ARHGEF7: variants seen among roughly 807,000 people sequenced by gnomAD.
ARHGEF7 encodes Rho guanine nucleotide exchange factor 7.
A neutral mutation model predicts 109.8 loss-of-function variants in ARHGEF7; 33 were observed. The observed-to-expected ratio is 0.30, with a 90% CI of 0.23 to 0.40. The LOEUF (loss-of-function observed/expected upper bound fraction) is 0.40, where lower values mean the gene tolerates loss of function less well. Among genes scored for constraint, ARHGEF7 ranks in the 10% least tolerant of loss-of-function variants. The pLI is 1.00. For synonymous variants in ARHGEF7, 458 were observed against 424.6 expected (o/e 1.08, Z -0.97); for missense variants, 938 against 1,098.5 (o/e 0.85, Z 2.07).
intron 2 of ARHGEF7, among the ~76,000 whole-genome samples, chr13:111,198,029 C>G (rs913821246): frequency 2.0e-5 from 3 of 152,132 alleles, no homozygotes; most frequent in Admixed American, 6.5e-5. Flanking sequence ...TGTTGGGACC[C>G]CGGAGTTGAA....
intron 1 of ARHGEF7, among the ~76,000 whole-genome samples, chr13:111,133,708 C>T (rs1165515699): frequency 1.4e-5 from 2 of 145,142 alleles, no homozygotes; most frequent in African/African-American, 5.1e-5. Flanking sequence ...CTGGACACCA[C>T]CCCCAGAGTT....
intron 21 of ARHGEF7, 124 bp from the exon 22 acceptor site, chr13:111,302,867 A>T: frequency 7.9e-7 from 1 of 1,271,280 alleles, no homozygotes. Flanking sequence ...CTCAGAGCCC[A>T]TAGGCAGCTC....
intron 19 of ARHGEF7, chr13:111,292,971 G>A (rs543517590): frequency 1.3e-4 from 131 of 985,530 alleles, no homozygotes; most frequent in Non-Finnish European, 1.5e-4. Flanking sequence ...TGTGTGCTGC[G>A]TTGTGGCCGT....
chr13:111,135,379 A>C (rs919205040), intron 1 of ARHGEF7, among the ~76,000 whole-genome samples: 17 of 152,166 alleles, frequency 1.1e-4, no homozygotes, highest in Admixed American at 6.5e-4. Flanking sequence ...GAATCTATAA[A>C]TTACCTTGGG....
At chr13:111,282,783 T>C in intron 15 of ARHGEF7, 1 of 324,846 alleles carries the variant, frequency 3.1e-6, no homozygotes, top group Non-Finnish European at 5.6e-6. Flanking sequence ...CTGTGTGCTT[T>C]TGTGAAATTC....
chr13:111,183,736 C>T (rs2078980175), intron 2 of ARHGEF7, among the ~76,000 whole-genome samples: 1 of 152,198 alleles, frequency 6.6e-6, no homozygotes, highest in Admixed American at 6.5e-5. Flanking sequence ...TCACCTTCCC[C>T]ACAGCCCCTC....
chr13:111,248,862 A>G (rs371555183), intron 8 of ARHGEF7, among the ~76,000 whole-genome samples: 1 of 152,128 alleles, frequency 6.6e-6, no homozygotes, highest in African/African-American at 2.4e-5. Context: ...TTTTATTTCT[A>G]GTGACTTTGA....
chr13:111,119,992 T>C (rs1179920519), intron 1 of ARHGEF7, among the ~76,000 whole-genome samples: 1 of 152,206 alleles, frequency 6.6e-6, no homozygotes, highest in Admixed American at 6.5e-5. Context: ...ATATGGTATC[T>C]CCAGACTGTG....
chr13:111,233,244 C>G lies in ARHGEF7; in HGVS notation c.710C>G (p.Pro237Arg). The change falls in exon 6 of 22, where the codon CCT (proline) becomes CGT (arginine). Residue 237 changes from proline to arginine, a missense_variant. Pro to Arg is a moderately radical substitution (Grantham distance 103, BLOSUM62 -2). This residue lies in a region of ARHGEF7 where 585 missense variants were observed against 723.6 expected (regional missense o/e 0.81). Transcript: ENST00000646102. Reference protein sequence around the residue: ...VSPKSGTLKSPPKGFDTTAIN... With the variant: ...VSPKSGTLKSRPKGFDTTAIN... ...CCCAAATCAGGAACACTGAAGAGCCCTCCCAAAGGATTTGATACGACTGCC... is the reference window on the plus strand; with the variant it reads ...CCCAAATCAGGAACACTGAAGAGCCGTCCCAAAGGATTTGATACGACTGCC... The G allele has an allele frequency of 6.2e-7, 1 of 1,614,126 alleles. No homozygotes were observed. The highest frequency in any genetic ancestry group is 8.5e-7 in the Non-Finnish European group (1 of 1,179,986).
rs1419565490 is a variant in ARHGEF7 at position 111,273,290 on chromosome 13, C to T, written c.1074-524C>T. Among the ~76,000 whole-genome samples the T allele has an allele frequency of 6.6e-6, 1 of 152,238 alleles. No homozygotes were observed. Among genetic ancestry groups the T allele is most frequent in the Admixed American group, 6.5e-5 (1 of 15,290 alleles). On this transcript the variant is annotated intron_variant, in intron 9 of 21. Transcript: ENST00000646102. This position sits in a 1 kb window ranked among gnomAD's most constrained non-coding sequence, Gnocchi z 4.5. ...TTTGCTCTCTTCTCTTGCTGCTTCT[C>T]GTGCTCCTCACCCCAAGAGCCATTG...
intron 2 of ARHGEF7, among the ~76,000 whole-genome samples, chr13:111,164,119 G>T (rs2076948157): frequency 6.6e-6 from 1 of 152,178 alleles, no homozygotes; most frequent in Admixed American, 6.5e-5. Context: ...ACCCAGGTTT[G>T]TTGAGAACAA....
chr13:111,244,143 G>C, intron 7 of ARHGEF7, 56 bp from the exon 8 acceptor site: 2 of 1,392,900 alleles, frequency 1.4e-6, no homozygotes, highest in South Asian at 2.5e-5. Context: ...TGGCAAAGGA[G>C]AAGAATATAA....
intron 2 of ARHGEF7, among the ~76,000 whole-genome samples, chr13:111,175,922 A>C (rs2078113989): frequency 6.6e-6 from 1 of 152,216 alleles, no homozygotes; most frequent in African/African-American, 2.4e-5. Context: ...GGCGGCAGGA[A>C]GGAGAAATGC....
chr13:111,217,864 C>T lies in ARHGEF7; in HGVS notation c.654C>T (p.Arg218=), dbSNP rs369467671. 31 of 1,612,592 alleles carry T rather than the reference C, an allele frequency of 1.9e-5. No individual in the cohort carries two copies. The highest frequency in any genetic ancestry group is 1.6e-4 in the East Asian group (7 of 44,826). ...RTGWFPSNYV[R]EVKASEKPVS... ...GCTGGTTCCCCAGCAACTACGTGCG[C>T]GAGGTCAAGGCCAGCGGTAAGTGGC... Residue 218 remains arginine (R), a synonymous_variant, in exon 5 of 22, where the codon CGC becomes CGT. Coordinates refer to ENST00000646102, the MANE Select transcript of ARHGEF7 (RefSeq NM_001354046.2).
chr13:111,262,479 C>T (rs2091211030), intron 8 of ARHGEF7, among the ~76,000 whole-genome samples: 1 of 152,158 alleles, frequency 6.6e-6, no homozygotes, highest in African/African-American at 2.4e-5. Flanking sequence ...AGTCTCATCT[C>T]TGAAGGCCAT....
At chr13:111,117,567 A>G in intron 1 of ARHGEF7, among the ~76,000 whole-genome samples, 1 of 152,200 alleles carries the variant, frequency 6.6e-6, no homozygotes, top group Non-Finnish European at 1.5e-5. Context: ...AGGTTTTTGG[A>G]GTAAAATATT....
chr13:111,275,736 C>A, intron 12 of ARHGEF7, 58 bp downstream of exon 12: 1 of 1,605,444 alleles, frequency 6.2e-7, no homozygotes, highest in Non-Finnish European at 8.5e-7. Flanking sequence ...GAGCTCATAG[C>A]AGAAGATTTT....
At chr13:111,246,295 C>T (rs1023783819) in intron 8 of ARHGEF7, among the ~76,000 whole-genome samples, 5 of 152,152 alleles carry the variant, frequency 3.3e-5, no homozygotes, top group African/African-American at 1.2e-4. Flanking sequence ...CCAGAAAAGA[C>T]TACAGTACAT....
intron 1 of ARHGEF7, among the ~76,000 whole-genome samples, chr13:111,141,592 G>T (rs1432959143): frequency 2.0e-5 from 3 of 151,912 alleles, no homozygotes; most frequent in Non-Finnish European, 4.4e-5. Context: ...TTTCTGATCG[G>T]CTTCTTTCAC....
Sources: allele counts gnomAD v4.1 joint callset (sites outside exome capture counted in the v4.1 genomes callset), GRCh38; gene constraint gnomAD v4.1.1; regional missense constraint gnomAD v4.1.1; non-coding constraint Gnocchi (gnomAD v3.1); transcripts MANE v1.5; gene names NCBI Gene and HGNC (gene_info 2026-07-23, HGNC 2026-07-21).